The following MTPN variants were observed in gnomAD, a reference collection of about 807,000 sequenced individuals.
MTPN encodes the protein myotrophin.
In MTPN, 2 loss-of-function variants were observed where a neutral mutation model predicts 13.5. The observed-to-expected ratio is 0.15, with a 90% CI of 0.06 to 0.47. The LOEUF (loss-of-function observed/expected upper bound fraction) is 0.47. Ranked by LOEUF, MTPN falls within the 20% of genes least tolerant of loss-of-function variation. The probability of loss-of-function intolerance (pLI) is 0.97; values close to 1 mark genes in which losing one functional copy is unlikely to be tolerated. For synonymous variants in MTPN, 46 were observed against 51.7 expected, an observed-to-expected ratio of 0.89 and a Z score of 0.48; for missense variants, 79 against 137.9, an observed-to-expected ratio of 0.57 and a Z score of 2.14.
chr7:135,933,097 T>A (rs113760098), intron 3 of MTPN, among the ~76,000 whole-genome samples: 756 of 45,296 alleles, frequency 0.017, 11 homozygotes, highest in African/African-American at 0.07. Flanking sequence ...TCACTCAGCC[T>A]CAAAAAAAAA....
At chr7:135,948,962 T>TC (rs1198183017) in intron 3 of MTPN, among the ~76,000 whole-genome samples, 1 of 150,658 alleles carries the variant, frequency 6.6e-6, no homozygotes, top group Non-Finnish European at 1.5e-5. Context: ...AAGGAGGGAG[T>TC]CCTCCATTTC....
At chr7:135,954,713 C>T (rs530473202) in intron 1 of MTPN, among the ~76,000 whole-genome samples, 29 of 152,102 alleles carry the variant, frequency 1.9e-4, no homozygotes, top group East Asian at 5.8e-4. Context: ...GAGGCCGAGG[C>T]GGGAGGATCA....
At chr7:135,942,646 CA>C (rs1799232793) in intron 3 of MTPN, among the ~76,000 whole-genome samples, 1 of 152,180 alleles carries the variant, frequency 6.6e-6, no homozygotes, top group African/African-American at 2.4e-5. Context: ...ACAAAGCCCT[CA>C]AAACTGTACT....
At chr7:135,951,293 C>G (rs992456214) in intron 2 of MTPN, among the ~76,000 whole-genome samples, 5 of 152,158 alleles carry the variant, frequency 3.3e-5, no homozygotes, top group Admixed American at 3.3e-4. Flanking sequence ...GGGAAACATA[C>G]TAACCTTCAA....
intron 1 of MTPN, among the ~76,000 whole-genome samples, chr7:135,971,113 C>T (rs552561335): frequency 1.3e-5 from 2 of 152,086 alleles, no homozygotes; most frequent in African/African-American, 4.8e-5. Context: ...GAGATTCTAT[C>T]CTTTCACATG....
At chr7:135,966,276 C>T (rs1285307204) in intron 1 of MTPN, among the ~76,000 whole-genome samples, 3 of 152,076 alleles carry the variant, frequency 2.0e-5, no homozygotes, top group South Asian at 2.1e-4. Flanking sequence ...TAGCCCAGCC[C>T]GCCTTGAATG....
At chr7:135,945,328 A>G in intron 3 of MTPN, among the ~76,000 whole-genome samples, 1 of 152,214 alleles carries the variant, frequency 6.6e-6, no homozygotes, top group Non-Finnish European at 1.5e-5. Flanking sequence ...ACCTTAGCTC[A>G]CTGTAACTTT....
Position 135,928,246 on chromosome 7 carries a change from G to A in MTPN, c.*1680C>T, listed in dbSNP as rs928345641. 19 of 167,060 alleles carry A rather than the reference G, an allele frequency of 1.1e-4. No individual in the cohort carries two copies. Among genetic ancestry groups the A allele is most frequent in the African/African-American group, 4.6e-4 (19 of 41,360 alleles). The allele number at this position is 167,060 out of a possible 1,614,324, so 10.3% of individuals were successfully genotyped here. On this transcript the variant is annotated 3_prime_UTR_variant, in exon 4 of 4. Coordinates refer to ENST00000393085, the MANE Select transcript of MTPN (RefSeq NM_145808.4). ...GGAAAATTACAGGGTTAGGCTAGTTGTAAGTGAAAAAGCCACAGGATTAAA... is the reference window on the plus strand; with the variant it reads ...GGAAAATTACAGGGTTAGGCTAGTTATAAGTGAAAAAGCCACAGGATTAAA...
At chr7:135,969,089 G>GGA (rs1554395536) in intron 1 of MTPN, among the ~76,000 whole-genome samples, 1 of 22,900 alleles carries the variant, frequency 4.4e-5, no homozygotes, top group Non-Finnish European at 1.3e-4. Flanking sequence ...GTTGTGGGGT[G>GGA]GGGGGGGGGG....
intron 1 of MTPN, among the ~76,000 whole-genome samples, chr7:135,971,152 T>A (rs1029060501): frequency 2.0e-5 from 3 of 152,152 alleles, no homozygotes; most frequent in Admixed American, 2.0e-4. Flanking sequence ...TCAAACCTAT[T>A]AGAGTGTCAA....
At chr7:135,934,335 C>G (rs867999352) in intron 3 of MTPN, among the ~76,000 whole-genome samples, 1 of 152,202 alleles carries the variant, frequency 6.6e-6, no homozygotes, top group South Asian at 2.1e-4. Context: ...CTGTTGATCT[C>G]CCATGGGTAC....
In MTPN at chr7:135,929,100, T is replaced by C. The variant is rs1798973274; in HGVS notation, c.*826A>G. On this transcript the variant is annotated 3_prime_UTR_variant, in exon 4 of 4. Coordinates refer to ENST00000393085, the MANE Select transcript of MTPN (RefSeq NM_145808.4). ...TATGATACTAACAGGCTTATGGCTA[T>C]GATTCTATTTTTAAATCCCCTTTTA... 1 of 167,074 alleles carries C rather than the reference T, an allele frequency of 6.0e-6. No homozygotes were observed. Among genetic ancestry groups the C allele is most frequent in the African/African-American group, 2.4e-5 (1 of 41,466 alleles). The allele number at this position is 167,074 out of a possible 1,614,324, so 10.3% of individuals were successfully genotyped here. A position where few individuals can be genotyped will look rare whatever the true frequency, so the allele number is the denominator to read the frequency against.
chr7:135,935,824 G>T (rs1799106704), intron 3 of MTPN, among the ~76,000 whole-genome samples: 1 of 151,792 alleles, frequency 6.6e-6, no homozygotes. Flanking sequence ...TTTTCTCATT[G>T]TTGCTTCTGC....
chr7:135,971,235 C>A (rs117712949), intron 1 of MTPN, among the ~76,000 whole-genome samples: 1 of 152,136 alleles, frequency 6.6e-6, no homozygotes, highest in Non-Finnish European at 1.5e-5. Context: ...GACCAGGCTT[C>A]TATTTCACAG....
At chr7:135,943,401 T>C (rs1799242707) in intron 3 of MTPN, among the ~76,000 whole-genome samples, 1 of 152,172 alleles carries the variant, frequency 6.6e-6, no homozygotes, top group Non-Finnish European at 1.5e-5. Context: ...GAGTCAACAA[T>C]GCTGATACTT....
intron 1 of MTPN, among the ~76,000 whole-genome samples, chr7:135,955,331 G>C (rs576069224): frequency 3.2e-4 from 48 of 152,218 alleles, no homozygotes; most frequent in African/African-American, 1.2e-3. Flanking sequence ...AGAAAAATGA[G>C]AGGAATCACA....
chr7:135,953,376 T>C (rs985765760), intron 1 of MTPN, among the ~76,000 whole-genome samples: 1 of 152,188 alleles, frequency 6.6e-6, no homozygotes, highest in African/African-American at 2.4e-5. Flanking sequence ...TTTTCTTCTT[T>C]ATATTTTCCT....
intron 1 of MTPN, among the ~76,000 whole-genome samples, chr7:135,976,158 A>G (rs1438504340): frequency 6.6e-6 from 1 of 152,244 alleles, no homozygotes; most frequent in Non-Finnish European, 1.5e-5. Context: ...ATGGAAAGAC[A>G]GGCTAGCTTG....
chr7:135,966,295 A>G (rs1018010080), intron 1 of MTPN, among the ~76,000 whole-genome samples: 1 of 152,080 alleles, frequency 6.6e-6, no homozygotes, highest in Non-Finnish European at 1.5e-5. Context: ...TGTGCTCAGA[A>G]CACTTACCTT....
Sources: allele counts gnomAD v4.1 joint callset (sites outside exome capture counted in the v4.1 genomes callset), GRCh38; gene constraint gnomAD v4.1.1; transcripts MANE v1.5; gene names NCBI Gene and HGNC (gene_info 2026-07-23, HGNC 2026-07-21).